The following RBFOX1 variants were observed in gnomAD, a reference collection of about 807,000 sequenced individuals.
RBFOX1 encodes RNA binding protein fox-1 homolog 1.
RBFOX1 carries 8 observed loss-of-function variants against 57.7 expected under a neutral mutation model. The ratio of observed to expected loss-of-function variants is 0.14; its 90% CI spans 0.08 to 0.25. RBFOX1 has a LOEUF of 0.25. Ranked by LOEUF, RBFOX1 falls within the 10% of genes least tolerant of loss-of-function variation. The pLI is 1.00. For synonymous variants in RBFOX1, 326 were observed against 222.4 expected, an observed-to-expected ratio of 1.47 and a Z score of -4.15; for missense variants, 611 against 548.5, an observed-to-expected ratio of 1.11 and a Z score of -1.14.
intron 1 of RBFOX1, among the ~76,000 whole-genome samples, chr16:5,331,282 C>G (rs561478171): frequency 1.7e-4 from 26 of 152,330 alleles, no homozygotes; most frequent in African/African-American, 6.0e-4. Flanking sequence ...ATCTCACGTG[C>G]TTTGGGCTTC....
intron 1 of RBFOX1, among the ~76,000 whole-genome samples, chr16:6,172,161 G>C (rs962365617): frequency 6.6e-6 from 1 of 152,038 alleles, no homozygotes; most frequent in Non-Finnish European, 1.5e-5. Context: ...CACACTGCAT[G>C]GTGGTGGACA....
chr16:6,789,769 A>C lies in RBFOX1; in HGVS notation c.-16+135119A>C, dbSNP rs138535907. ...TGCATAGTAGTCTCTTAGTTTTTTA[A>C]AAAATCTTCTGTTTGAATGGTGATC... On this transcript the variant is annotated intron_variant, in intron 3 of 15. Coordinates refer to ENST00000550418, the MANE Select transcript of RBFOX1 (RefSeq NM_018723.4). 3.7e-3 allele frequency among the ~76,000 whole-genome samples: 562 copies of C among 152,158 alleles called. 1 individual carries two copies. The highest frequency in any genetic ancestry group is 0.013 in the African/African-American group (546 of 41,520).
chr16:5,547,495 A>T (rs915601880), intron 2 of RBFOX1, among the ~76,000 whole-genome samples: 1 of 137,548 alleles, frequency 7.3e-6, no homozygotes, highest in Non-Finnish European at 1.7e-5. Context: ...TCAGTGAAAG[A>T]TGCCAGATAA....
chr16:5,982,974 A>G (rs2060203087), intron 4 of RBFOX1, among the ~76,000 whole-genome samples: 2 of 152,178 alleles, frequency 1.3e-5, no homozygotes, highest in South Asian at 4.1e-4. Flanking sequence ...TTGTCCAGTT[A>G]CCACTCCCTC....
chr16:7,101,484 A>G lies in RBFOX1; in HGVS notation c.27+49386A>G, dbSNP rs191834581. On this transcript the variant is annotated intron_variant, in intron 4 of 15. Coordinates refer to ENST00000550418, the MANE Select transcript of RBFOX1 (RefSeq NM_018723.4). ...GATTAGAGAATTTTAGAAGGAAGAA[A>G]CTGAGATTCAGAAAGAGACCGGCTG... 2.4e-4 allele frequency among the ~76,000 whole-genome samples: 36 copies of G among 152,264 alleles called. No homozygotes were observed. In the East Asian group the frequency reaches 6.2e-3, roughly 26 times the overall value.
intron 3 of RBFOX1, among the ~76,000 whole-genome samples, chr16:5,762,915 G>A (rs947238790): frequency 6.6e-6 from 1 of 152,204 alleles, no homozygotes; most frequent in East Asian, 1.9e-4. Flanking sequence ...ACCTCTTGAA[G>A]GATATACAGC....
At chr16:7,696,308 A>G (rs1021448358) in intron 14 of RBFOX1, among the ~76,000 whole-genome samples, 2 of 152,190 alleles carry the variant, frequency 1.3e-5, no homozygotes, top group African/African-American at 4.8e-5. Flanking sequence ...TAATGCATCC[A>G]GCTTGGACAA....
chr16:5,289,343 C>CAGG (rs1273627631), intron 1 of RBFOX1: 3 of 405,740 alleles, frequency 7.4e-6, no homozygotes, highest in Non-Finnish European at 1.4e-5. Context: ...GGCATCACCC[C>CAGG]AGGAGGAGGA....
intron 4 of RBFOX1, among the ~76,000 whole-genome samples, chr16:5,877,067 A>T (rs1165324392): frequency 6.6e-6 from 1 of 152,168 alleles, no homozygotes; most frequent in Non-Finnish European, 1.5e-5. Flanking sequence ...AAGAAGGAGG[A>T]GATCCATGTA....
chr16:7,279,544 G>A (rs2095502509), intron 4 of RBFOX1, among the ~76,000 whole-genome samples: 1 of 152,166 alleles, frequency 6.6e-6, no homozygotes, highest in African/African-American at 2.4e-5. Flanking sequence ...TGGCTTTGGG[G>A]TAAAGTGACA....
At chr16:7,370,191 C>G (rs1184253884) in intron 4 of RBFOX1, among the ~76,000 whole-genome samples, 1 of 152,170 alleles carries the variant, frequency 6.6e-6, no homozygotes, top group Non-Finnish European at 1.5e-5. Context: ...ATTATGACAA[C>G]CAAACATTGC....
intron 1 of RBFOX1, among the ~76,000 whole-genome samples, chr16:6,030,663 A>T (rs1274299664): frequency 6.6e-6 from 1 of 152,146 alleles, no homozygotes; most frequent in Non-Finnish European, 1.5e-5. Context: ...AACACCAGGA[A>T]CCCTGGAAAA....
intron 4 of RBFOX1, among the ~76,000 whole-genome samples, chr16:7,198,414 T>G (rs2087366910): frequency 6.6e-6 from 1 of 152,242 alleles, no homozygotes; most frequent in Non-Finnish European, 1.5e-5. Context: ...TTTGTACACT[T>G]AAAAATAGTT....
rs373208459 is a variant in RBFOX1, at chr16:7,209,461, A to G, written c.27+157363A>G. 3.2e-4 allele frequency among the ~76,000 whole-genome samples: 49 copies of G among 152,262 alleles called. 1 individual carries two copies. In the South Asian group the frequency reaches 0.01, roughly 32 times the overall value. On this transcript the variant is annotated intron_variant, in intron 4 of 15. Transcript: ENST00000550418. Reference sequence around the variant, plus strand: ...TTTAAAAGCCCCTGCTATCATTTGGATAATAACCTCAAGGCCTTTGCACTT... The same window carrying G: ...TTTAAAAGCCCCTGCTATCATTTGGGTAATAACCTCAAGGCCTTTGCACTT...
intron 3 of RBFOX1, among the ~76,000 whole-genome samples, chr16:6,883,019 T>A (rs1367990979): frequency 6.6e-6 from 1 of 152,192 alleles, no homozygotes; most frequent in African/African-American, 2.4e-5. Flanking sequence ...AATCTGCAGA[T>A]ATTCTAGATA....
intron 2 of RBFOX1, among the ~76,000 whole-genome samples, chr16:6,322,803 GC>G (rs1213939868): frequency 6.6e-6 from 1 of 152,172 alleles, no homozygotes; most frequent in Non-Finnish European, 1.5e-5. Context: ...AACAGGCATG[GC>G]CTAGGGCATT....
chr16:7,131,770 C>A (rs533444787), intron 4 of RBFOX1, among the ~76,000 whole-genome samples: 33 of 152,110 alleles, frequency 2.2e-4, no homozygotes, highest in African/African-American at 8.0e-4. Flanking sequence ...TCTGAAGGAG[C>A]TTGATTTGGG....
chr16:5,669,260 G>A (rs760126202), intron 3 of RBFOX1, among the ~76,000 whole-genome samples: 4 of 151,886 alleles, frequency 2.6e-5, no homozygotes, highest in Non-Finnish European at 5.9e-5. Context: ...GTGGGGGAGT[G>A]GCCACCCTCA....
At chr16:6,011,367 C>T (rs533640594) in intron 4 of RBFOX1, among the ~76,000 whole-genome samples, 3 of 151,952 alleles carry the variant, frequency 2.0e-5, no homozygotes, top group Non-Finnish European at 4.4e-5. Context: ...AGAAAATTTA[C>T]AGAGTGTTTT....
Sources: allele counts gnomAD v4.1 joint callset (sites outside exome capture counted in the v4.1 genomes callset), GRCh38; gene constraint gnomAD v4.1.1; transcripts MANE v1.5; gene names NCBI Gene and HGNC (gene_info 2026-07-23, HGNC 2026-07-21).